The following SAMD4A variants were observed in gnomAD, a reference collection of about 807,000 sequenced individuals.
The protein encoded by SAMD4A is sterile alpha motif domain containing 4A, also known as protein Smaug homolog 1.
A neutral mutation model predicts 81.3 loss-of-function variants in SAMD4A; 33 were observed. That is an observed-to-expected ratio of 0.41 (90% CI 0.31 to 0.54). The LOEUF is 0.54. Ranked by LOEUF, SAMD4A falls within the 20% of genes least tolerant of loss-of-function variation. The pLI, the probability that SAMD4A is intolerant of heterozygous loss-of-function variation, is 0.37. For missense variants in SAMD4A, 854 were observed against 951.1 expected, an observed-to-expected ratio of 0.90 and a Z score of 1.34; for synonymous variants, 389 against 382.1, an observed-to-expected ratio of 1.02 and a Z score of -0.21.
chr14:54,752,040 C>T (rs951705154), intron 6 of SAMD4A, among the ~76,000 whole-genome samples: 4 of 152,180 alleles, frequency 2.6e-5, no homozygotes, highest in East Asian at 1.9e-4. Flanking sequence ...GGCAGGCAGA[C>T]ATATTTGGCT....
At chr14:54,689,309 G>T (rs571910164) in intron 2 of SAMD4A, among the ~76,000 whole-genome samples, 6 of 152,120 alleles carry the variant, frequency 3.9e-5, no homozygotes, top group Admixed American at 2.6e-4. Context: ...AGGGCTTTGG[G>T]TCTCCTCCTG....
chr14:54,568,689 GCA>G, intron 2 of SAMD4A, among the ~76,000 whole-genome samples: 2 of 76,956 alleles, frequency 2.6e-5, no homozygotes, highest in African/African-American at 1.0e-4. Flanking sequence ...GACATTTGCA[GCA>G]TATATATATA....
intron 2 of SAMD4A, among the ~76,000 whole-genome samples, chr14:54,672,778 A>G (rs1438738799): frequency 6.6e-6 from 1 of 152,250 alleles, no homozygotes; most frequent in African/African-American, 2.4e-5. Flanking sequence ...ATCAAGATCA[A>G]TTACCATAAA....
chr14:54,593,997 A>G (rs2033849207), intron 2 of SAMD4A, among the ~76,000 whole-genome samples: 1 of 152,198 alleles, frequency 6.6e-6, no homozygotes, highest in Admixed American at 6.5e-5. Flanking sequence ...ACCAGATCAT[A>G]TACAGGAAGA....
At chr14:54,727,582 A>G (rs965159408) in intron 3 of SAMD4A, among the ~76,000 whole-genome samples, 2 of 152,178 alleles carry the variant, frequency 1.3e-5, no homozygotes, top group African/African-American at 4.8e-5. Context: ...ACACTTGTTT[A>G]TAGTAGAGAG....
chr14:54,571,193 C>G (rs1351270215), intron 2 of SAMD4A, among the ~76,000 whole-genome samples: 2 of 152,172 alleles, frequency 1.3e-5, no homozygotes, highest in Non-Finnish European at 2.9e-5. Context: ...TCTAGTGATT[C>G]ACTGGTTCAT....
At position 54,791,214 on chromosome 14, in the gene SAMD4A, C is replaced by T. The variant is rs2039253704; in HGVS notation, c.*2270C>T. On this transcript the variant is annotated 3_prime_UTR_variant, in exon 13 of 13. Transcript: ENST00000554335. ...CAAAGGTTGAAGGCCAAAGGTAAGA[C>T]CAGAGGGTTTGCGAATGTGGGTTTG... 6.6e-6 allele frequency: 1 copy of T among 152,060 alleles called. No individual in the cohort carries two copies. Among genetic ancestry groups the T allele is most frequent in the South Asian group, 2.1e-4 (1 of 4,822 alleles). The allele number at this position is 152,060 out of a possible 1,614,324, so 9.4% of individuals were successfully genotyped here.
At chr14:54,767,178 C>T (rs937308560) in intron 8 of SAMD4A, among the ~76,000 whole-genome samples, 6 of 152,148 alleles carry the variant, frequency 3.9e-5, no homozygotes, top group African/African-American at 1.2e-4. Flanking sequence ...CCACAGCCTC[C>T]GGTTATTCTG....
At chr14:54,685,149 C>T (rs987443088) in intron 2 of SAMD4A, among the ~76,000 whole-genome samples, 1 of 151,500 alleles carries the variant, frequency 6.6e-6, no homozygotes, top group Non-Finnish European at 1.5e-5. Context: ...TTTAAATATA[C>T]AGTCCTGTGG....
At chr14:54,565,456 C>T (rs1170983694), upstream of SAMD4A, among the ~76,000 whole-genome samples, 1 of 152,236 alleles carries the variant, frequency 6.6e-6, no homozygotes, top group Non-Finnish European at 1.5e-5. The surrounding 1 kb of genome is among the most constrained non-coding windows in gnomAD (Gnocchi z 5.4). Context: ...CATCCGGCAC[C>T]CGACCCGGGC....
At chr14:54,586,212 G>T (rs372071790) in intron 2 of SAMD4A, among the ~76,000 whole-genome samples, 26 of 152,122 alleles carry the variant, frequency 1.7e-4, no homozygotes, top group East Asian at 5.8e-4. Context: ...CCATATGCTT[G>T]TTGGCCATTT....
At chr14:54,595,409 A>G (rs1330827424) in intron 2 of SAMD4A, among the ~76,000 whole-genome samples, 1 of 148,548 alleles carries the variant, frequency 6.7e-6, no homozygotes, top group Non-Finnish European at 1.5e-5. Flanking sequence ...ATATGTATAC[A>G]TGTGTTTATT....
chr14:54,686,538 A>G (rs2036273786), intron 2 of SAMD4A, among the ~76,000 whole-genome samples: 1 of 146,982 alleles, frequency 6.8e-6, no homozygotes, highest in Non-Finnish European at 1.5e-5. Context: ...GTGTTTTTCC[A>G]TCGGGCTCTT....
chr14:54,737,602 A>G (rs1002220241), intron 4 of SAMD4A, among the ~76,000 whole-genome samples: 1 of 140,416 alleles, frequency 7.1e-6, no homozygotes, highest in African/African-American at 2.7e-5. Context: ...AGTCACAGCT[A>G]ATGGTGATAG....
intron 2 of SAMD4A, among the ~76,000 whole-genome samples, chr14:54,675,235 G>A (rs368493957): frequency 2.0e-5 from 3 of 151,922 alleles, no homozygotes; most frequent in African/African-American, 4.8e-5. Flanking sequence ...GCGTGGTGGC[G>A]GGCGCCTGTA....
At chr14:54,637,290 G>A (rs561636975) in intron 2 of SAMD4A, among the ~76,000 whole-genome samples, 9 of 150,854 alleles carry the variant, frequency 6.0e-5, no homozygotes, top group Non-Finnish European at 1.2e-4. Context: ...GCTTGAACCC[G>A]GGAGGTGGAG....
At chr14:54,769,170 C>A (rs1322512253) in intron 8 of SAMD4A, among the ~76,000 whole-genome samples, 1 of 152,204 alleles carries the variant, frequency 6.6e-6, no homozygotes, top group Non-Finnish European at 1.5e-5. Context: ...ATCTAGAACA[C>A]CTCATGTTCA....
intron 2 of SAMD4A, among the ~76,000 whole-genome samples, chr14:54,572,841 G>T (rs185880072): frequency 4.8e-4 from 73 of 152,230 alleles, no homozygotes; most frequent in East Asian, 3.3e-3. Context: ...GAATTGATAT[G>T]AATAATATTT....
At chr14:54,656,939 T>C (rs1169013385) in intron 2 of SAMD4A, among the ~76,000 whole-genome samples, 1 of 152,020 alleles carries the variant, frequency 6.6e-6, no homozygotes, top group African/African-American at 2.4e-5. Flanking sequence ...GCCAAACCAA[T>C]AGGGCAAAGA....
Sources: gnomAD v4.1 joint callset for allele counts (sites outside exome capture counted in the v4.1 genomes callset) on GRCh38, gnomAD v4.1.1 for gene constraint, Gnocchi (gnomAD v3.1) non-coding constraint, MANE v1.5 for transcripts, NCBI Gene and HGNC (gene_info 2026-07-23, HGNC 2026-07-21) for gene names.